NCOR2: variants seen among roughly 807,000 people sequenced by gnomAD.
The protein encoded by NCOR2 is CTG repeat protein 26.
NCOR2 carries 81 observed loss-of-function variants against 262.9 expected under a neutral mutation model. The observed-to-expected ratio is 0.31, with a 90% confidence interval of 0.26 to 0.37. NCOR2 has a LOEUF of 0.37. Ranked by LOEUF, NCOR2 falls within the 10% of genes least tolerant of loss-of-function variation. The pLI is 1.00. For missense variants in NCOR2, 3,385 were observed against 3,621.4 expected (o/e 0.93, Z 1.68); for synonymous variants, 1,659 against 1,559.3 (o/e 1.06, Z -1.51).
intron 12 of NCOR2, among the ~76,000 whole-genome samples, chr12:124,421,278 AG>A (rs1165835458): frequency 6.6e-6 from 1 of 152,168 alleles, no homozygotes; most frequent in Non-Finnish European, 1.5e-5. Context: ...GCTGCCTCTC[AG>A]CCAAAGAACA....
chr12:124,399,841 T>C (rs2041901815), intron 15 of NCOR2, among the ~76,000 whole-genome samples: 1 of 152,146 alleles, frequency 6.6e-6, no homozygotes, highest in Non-Finnish European at 1.5e-5. Flanking sequence ...GCGGCGAATC[T>C]TGGGAACTGC....
At chr12:124,563,463 C>A (rs1188722711) in intron 1 of NCOR2, among the ~76,000 whole-genome samples, 1 of 152,224 alleles carries the variant, frequency 6.6e-6, no homozygotes, top group African/African-American at 2.4e-5. Flanking sequence ...CTCAGGCGAG[C>A]CTGGACCTGT....
At chr12:124,470,569 T>C (rs2046782911) in intron 4 of NCOR2, among the ~76,000 whole-genome samples, 1 of 152,132 alleles carries the variant, frequency 6.6e-6, no homozygotes, top group Non-Finnish European at 1.5e-5. Context: ...ACCATGACAC[T>C]ATGTGGAAGA....
At position 124,450,514 on chromosome 12, in the gene NCOR2, G is replaced by A. The variant is rs1422902817; in HGVS notation, c.763-647C>T. Among the ~76,000 whole-genome samples the A allele has an allele frequency of 3.3e-5, 5 of 152,168 alleles. No individual in the cohort carries two copies. In the South Asian group the frequency reaches 8.3e-4, roughly 25 times the overall value. On this transcript the variant is annotated intron_variant, in intron 6 of 46. Transcript: ENST00000405201. ...AGACGGGCGCTAGGATGTTCCTAAC[G>A]CACTGCTCACAGCGGCCAGTGAGAA...
intron 13 of NCOR2, among the ~76,000 whole-genome samples, chr12:124,417,690 C>T (rs1235322091): frequency 2.6e-5 from 4 of 152,236 alleles, no homozygotes; most frequent in African/African-American, 4.8e-5. Context: ...CATACCTCAG[C>T]ATCTATATAC....
intron 43 of NCOR2, chr12:124,331,945 G>A (rs2035237443): frequency 4.2e-6 from 1 of 236,448 alleles, no homozygotes; most frequent in Non-Finnish European, 8.5e-6. Context: ...GCAGAGTGGG[G>A]CGTTCATACC....
At chr12:124,474,295 T>G (rs986860093) in intron 3 of NCOR2, among the ~76,000 whole-genome samples, 1 of 152,252 alleles carries the variant, frequency 6.6e-6, no homozygotes, top group Non-Finnish European at 1.5e-5. Context: ...GGGCTACAGT[T>G]AAGCTAAAAG....
At chr12:124,466,250 G>A (rs1284319754) in exon 5 of NCOR2, 3 of 1,608,974 alleles carry the variant, frequency 1.9e-6, no homozygotes, top group Middle Eastern at 1.7e-4. Context: ...GGCTTCTCAG[G>A]CTCGGGCGGC....
intron 16 of NCOR2, among the ~76,000 whole-genome samples, chr12:124,392,345 CTG>C (rs988875582): frequency 6.6e-5 from 10 of 152,342 alleles, no homozygotes; most frequent in Admixed American, 5.9e-4. Flanking sequence ...TCACAACAGA[CTG>C]TTTCTCACAT....
In NCOR2 at chr12:124,450,325, T is replaced by C. The variant is rs536232372; in HGVS notation, c.763-458A>G. 2.6e-5 allele frequency among the ~76,000 whole-genome samples: 4 copies of C among 152,276 alleles called. No individual in the cohort carries two copies. The East Asian group carries it at 5.8e-4, about 22-fold the overall frequency. On this transcript the variant is annotated intron_variant, in intron 6 of 46. Transcript: ENST00000405201. ...AGACAAAAACGTTGAATGCCAAGTGTTGGTGAGGTCTGGGGTGACAGGAAG... is the reference window on the plus strand; with the variant it reads ...AGACAAAAACGTTGAATGCCAAGTGCTGGTGAGGTCTGGGGTGACAGGAAG...
At chr12:124,415,265 G>A (rs574613354) in intron 13 of NCOR2, among the ~76,000 whole-genome samples, 1 of 152,342 alleles carries the variant, frequency 6.6e-6, no homozygotes, top group African/African-American at 2.4e-5. Flanking sequence ...CAGCGGTGCT[G>A]GGCCCACCCC....
At chr12:124,335,534 C>T in exon 39 of NCOR2, 1 of 1,609,314 alleles carries the variant, frequency 6.2e-7, no homozygotes, top group Non-Finnish European at 8.5e-7. Context: ...TCGAGCTCTT[C>T]CAGGTGCTTG....
chr12:124,466,105 ATGGTGCCCCCTG>A, intron 5 of NCOR2, 56 bp downstream of exon 7: 1 of 1,426,372 alleles, frequency 7.0e-7, no homozygotes, highest in Non-Finnish European at 9.6e-7. Flanking sequence ...GGCCTGATTC[ATGGTGCCCCCTG>A]TGAAGCGCCT....
intron 13 of NCOR2, among the ~76,000 whole-genome samples, chr12:124,409,535 ACT>A (rs1300705285): frequency 6.6e-6 from 1 of 151,392 alleles, no homozygotes; most frequent in South Asian, 2.1e-4. Flanking sequence ...GCCCTTCAAC[ACT>A]CTCTCAAATT....
At position 124,362,135 on chromosome 12, in the gene NCOR2, C is replaced by T. The variant is rs751853167; in HGVS notation, c.3091G>A (p.Asp1031Asn). 22 of 1,300,504 alleles carry T rather than the reference C, an allele frequency of 1.7e-5. No individual in the cohort carries two copies. Among genetic ancestry groups the T allele is most frequent in the South Asian group, 3.2e-5 (1 of 31,370 alleles). The allele number at this position is 1,300,504 out of a possible 1,614,324, so 80.6% of individuals were successfully genotyped here. The change falls in exon 22 of 47, where the codon GAC becomes AAC. Residue 1031 changes from aspartate to asparagine, a missense_variant. Asp to Asn is a conservative substitution (Grantham distance 23). Transcript: ENST00000405201. ...ACTGGTGTGCACTCACCCTCCTTGT[C>T]GGCGGGGGGTGCCGGGCTCCTGCTC...
chr12:124,439,254 G>A (rs12825708), intron 7 of NCOR2, among the ~76,000 whole-genome samples: 3 of 146,570 alleles, frequency 2.0e-5, no homozygotes, highest in Admixed American at 6.8e-5. Context: ...GACCCAGAGA[G>A]AGAGAGATGG....
At chr12:124,419,866 C>G in intron 13 of NCOR2, 91 bp downstream of exon 15, 1 of 1,163,546 alleles carries the variant, frequency 8.6e-7, no homozygotes, top group Non-Finnish European at 1.3e-6. Flanking sequence ...AGACAGTTAC[C>G]GCCAGCCATG....
chr12:124,533,283 A>T (rs946342476), intron 1 of NCOR2, among the ~76,000 whole-genome samples: 1 of 152,004 alleles, frequency 6.6e-6, no homozygotes, highest in Non-Finnish European at 1.5e-5. Context: ...GGTAACTCAG[A>T]ATCGCGCAAC....
At chr12:124,495,284 G>A (rs2048322989), upstream of NCOR2, 1 of 1,595,574 alleles carries the variant, frequency 6.3e-7, no homozygotes, top group Non-Finnish European at 8.5e-7. This position sits in a 1 kb window ranked among gnomAD's most constrained non-coding sequence, Gnocchi z 4.4. Context: ...CTGCTCCCAG[G>A]CCCCAATAAG....
Sources: allele counts gnomAD v4.1 joint callset (sites outside exome capture counted in the v4.1 genomes callset), GRCh38; gene constraint gnomAD v4.1.1; non-coding constraint Gnocchi (gnomAD v3.1); transcripts MANE v1.5; gene names NCBI Gene and HGNC (gene_info 2026-07-23, HGNC 2026-07-21).